The following GALNTL6 variants were observed in gnomAD, a reference collection of about 807,000 sequenced individuals.
GALNTL6 encodes the protein polypeptide N-acetylgalactosaminyltransferase-like 6.
Under a neutral mutation model 73.7 loss-of-function variants are expected in GALNTL6, and 46 were observed. The observed-to-expected ratio is 0.62, with a 90% confidence interval of 0.49 to 0.80. GALNTL6 has a LOEUF of 0.80. Among genes scored for constraint, GALNTL6 ranks in the 30% least tolerant of loss-of-function variants. The pLI is 0.00. For missense variants in GALNTL6, 604 were observed against 755.0 expected, an observed-to-expected ratio of 0.80 and a Z score of 2.34; for synonymous variants, 259 against 263.7, an observed-to-expected ratio of 0.98 and a Z score of 0.17.
At chr4:172,192,318 A>T (rs190789493) in intron 2 of GALNTL6, among the ~76,000 whole-genome samples, 1 of 152,292 alleles carries the variant, frequency 6.6e-6, no homozygotes, top group Non-Finnish European at 1.5e-5. Flanking sequence ...AATGTAAAAA[A>T]ATTTTAAAGG....
intron 3 of GALNTL6, among the ~76,000 whole-genome samples, chr4:172,291,063 CTTA>C (rs1015198005): frequency 6.6e-6 from 1 of 151,906 alleles, no homozygotes; most frequent in African/African-American, 2.4e-5. Flanking sequence ...ATAATAGAAG[CTTA>C]TTATTCAAAA....
intron 5 of GALNTL6, among the ~76,000 whole-genome samples, chr4:172,481,858 A>G (rs561284779): frequency 6.6e-6 from 1 of 152,284 alleles, no homozygotes; most frequent in East Asian, 1.9e-4. Flanking sequence ...AATGGGCAGA[A>G]CTGCCTGCCA....
At chr4:172,464,485 G>C (rs1275741963) in intron 5 of GALNTL6, among the ~76,000 whole-genome samples, 1 of 151,774 alleles carries the variant, frequency 6.6e-6, no homozygotes, top group Non-Finnish European at 1.5e-5. Flanking sequence ...AGGCAGGTGG[G>C]TCACCTGAGG....
At chr4:172,698,523 C>A (rs904265909) in intron 5 of GALNTL6, among the ~76,000 whole-genome samples, 1 of 152,140 alleles carries the variant, frequency 6.6e-6, no homozygotes, top group Admixed American at 6.5e-5. Flanking sequence ...TTTCCCTTGA[C>A]AAATTCTGGG....
At chr4:172,099,724 A>G (rs1489394513) in intron 2 of GALNTL6, among the ~76,000 whole-genome samples, 3 of 152,190 alleles carry the variant, frequency 2.0e-5, no homozygotes, top group Non-Finnish European at 4.4e-5. Context: ...TGTTCATTGC[A>G]TGCTGAACAT....
chr4:172,497,592 G>C (rs1312640464), intron 5 of GALNTL6, among the ~76,000 whole-genome samples: 1 of 152,206 alleles, frequency 6.6e-6, no homozygotes, highest in African/African-American at 2.4e-5. Flanking sequence ...TCCCTGTTCA[G>C]CATCTTTCTG....
chr4:172,599,706 G>T (rs1737985372), intron 5 of GALNTL6, among the ~76,000 whole-genome samples: 1 of 152,056 alleles, frequency 6.6e-6, no homozygotes, highest in South Asian at 2.1e-4. Flanking sequence ...GTGCTGGTGT[G>T]CTACGTCTGA....
chr4:172,466,359 A>G (rs1292093540), intron 5 of GALNTL6, among the ~76,000 whole-genome samples: 1 of 152,210 alleles, frequency 6.6e-6, no homozygotes, highest in Non-Finnish European at 1.5e-5. Context: ...TAGCAGCTAC[A>G]TTAGAGGTAA....
intron 2 of GALNTL6, among the ~76,000 whole-genome samples, chr4:172,085,256 T>G (rs2110928996): frequency 6.6e-6 from 1 of 152,174 alleles, no homozygotes; most frequent in East Asian, 1.9e-4. Context: ...TATAAAATAC[T>G]AAGAAATGTA....
chr4:173,003,389 G>A (rs1385572303), intron 10 of GALNTL6, among the ~76,000 whole-genome samples: 1 of 152,168 alleles, frequency 6.6e-6, no homozygotes, highest in Non-Finnish European at 1.5e-5. Flanking sequence ...GGCCTGCAAT[G>A]CTGGGCCAAG....
At chr4:172,717,849 A>G (rs1349044107) in intron 5 of GALNTL6, among the ~76,000 whole-genome samples, 1 of 152,244 alleles carries the variant, frequency 6.6e-6, no homozygotes, top group East Asian at 1.9e-4. Context: ...TTTAAAGGAT[A>G]AAGAAATCAC....
chr4:172,952,097 CG>C lies in GALNTL6; in HGVS notation c.1212del (p.Pro405ArgfsTer74). On this transcript the variant is annotated frameshift_variant, in exon 10 of 13. Transcript: ENST00000506823. LOFTEE classifies it high-confidence loss of function. Reference protein sequence around the residue: ...DEFAEYIYQRRPEYRHLSTGD... With the variant: ...DEFAEYIYQRXPEYRHLSTGD... ...ATTTGCCGAGTACATTTACCAGCGG[CG>C]GCCGGAGTACAGGCATCTCTCCACG... The C allele has an allele frequency of 1.9e-6, 3 of 1,614,122 alleles. No individual in the cohort carries two copies. In the South Asian group the frequency reaches 3.3e-5, roughly 18 times the overall value.
At chr4:172,778,133 C>T (rs931924615) in intron 5 of GALNTL6, among the ~76,000 whole-genome samples, 7 of 152,222 alleles carry the variant, frequency 4.6e-5, no homozygotes, top group South Asian at 2.1e-4. Context: ...TGGCCATTGA[C>T]GTATTCATTT....
At chr4:172,361,660 C>A (rs1742375342) in intron 5 of GALNTL6, among the ~76,000 whole-genome samples, 1 of 152,058 alleles carries the variant, frequency 6.6e-6, no homozygotes, top group African/African-American at 2.4e-5. Context: ...GGGTTAACCC[C>A]CTTTTTTTCA....
intron 7 of GALNTL6, among the ~76,000 whole-genome samples, chr4:172,824,498 GTATA>G (rs771298717): frequency 6.6e-5 from 10 of 151,874 alleles, no homozygotes; most frequent in African/African-American, 9.7e-5. Context: ...GTGTATGTGA[GTATA>G]TATATTATTT....
chr4:172,806,218 G>A (rs908953084), intron 5 of GALNTL6, among the ~76,000 whole-genome samples: 2 of 152,052 alleles, frequency 1.3e-5, no homozygotes, highest in African/African-American at 4.8e-5. Flanking sequence ...ATTATCTGAG[G>A]CAGAGCAAGC....
Position 172,301,729 on chromosome 4 carries a change from G to A in GALNTL6, c.248-9885G>A, listed in dbSNP as rs1290131761. ...TTGCTGCCTGATTGTGCCTCTTGAA[G>A]TTTTGTCTCAGAGGAGTATCCGGCC... On this transcript the variant is annotated intron_variant, in intron 3 of 12. Transcript: ENST00000506823. 2.6e-5 allele frequency among the ~76,000 whole-genome samples: 4 copies of A among 152,178 alleles called. No homozygotes were observed. The East Asian group carries it at 7.7e-4, about 29-fold the overall frequency.
chr4:172,144,255 AG>A (rs1733871192), intron 2 of GALNTL6, among the ~76,000 whole-genome samples: 1 of 152,172 alleles, frequency 6.6e-6, no homozygotes, highest in Admixed American at 6.5e-5. Flanking sequence ...TCTGTCTTAA[AG>A]TTTGATGTAA....
At chr4:172,731,256 C>T (rs1431028717) in intron 5 of GALNTL6, among the ~76,000 whole-genome samples, 1 of 151,988 alleles carries the variant, frequency 6.6e-6, no homozygotes, top group Non-Finnish European at 1.5e-5. Context: ...TTAAGGTTTC[C>T]TATTTCCTGG....
Sources: allele counts gnomAD v4.1 joint callset (sites outside exome capture counted in the v4.1 genomes callset), GRCh38; gene constraint gnomAD v4.1.1; transcripts MANE v1.5; gene names NCBI Gene and HGNC (gene_info 2026-07-23, HGNC 2026-07-21).